Variants in HK3 observed in about 807,000 individuals in gnomAD.
The protein encoded by HK3 is hexokinase 3.
HK3 carries 93 observed loss-of-function variants against 91.0 expected under a neutral mutation model. The observed-to-expected ratio is 1.02, with a 90% confidence interval of 0.86 to 1.21. HK3 has a LOEUF of 1.21. HK3 is among the 50% of genes most tolerant of loss of function. The probability of loss-of-function intolerance (pLI) is 0.00; values close to 1 mark genes in which losing one functional copy is unlikely to be tolerated. For synonymous variants in HK3, 519 were observed against 516.9 expected, an observed-to-expected ratio of 1.00 and a Z score of -0.06; for missense variants, 1,235 against 1,247.4, an observed-to-expected ratio of 0.99 and a Z score of 0.15.
rs1758751320 is a variant in HK3 at position 176,890,958 on chromosome 5, G to A, written c.415-17C>T. 1 of 1,613,910 alleles carries A rather than the reference G, an allele frequency of 6.2e-7. No individual in the cohort carries two copies. The stretch of plus-strand genomic sequence containing the variant: ...GTCAAAGAGCTGCAGGAGAAGTGGG[G>A]GGGCTCAGCCTTGCCCATCTGAGCC... On this transcript the variant is annotated splice_polypyrimidine_tract_variant and intron_variant, in intron 4 of 18. Transcript: ENST00000292432.
chr5:176,881,744 G>A lies in HK3; in HGVS notation c.2341C>T (p.Arg781Cys), dbSNP rs556634863. 2.8e-5 allele frequency: 46 copies of A among 1,614,160 alleles called. 1 individual carries two copies. The highest frequency in any genetic ancestry group is 2.5e-4 in the South Asian group (23 of 91,088). ...GVLFRGQQIQ[R>C]LQTRDIFKTK... ...TTGAAGATGTCCCTGGTCTGAAGGC[G>A]CTGGATCTGCTGGCCCCGGAAGAGA... is the stretch of plus-strand genomic sequence containing the variant. The change falls in exon 17 of 19, where the codon CGC (arginine) becomes TGC (cysteine). Residue 781 changes from arginine (R) to cysteine (C), a missense_variant. Around this residue, in one of 3 missense-constraint regions of HK3, gnomAD observed 513 missense variants for 477.4 expected, o/e 1.07. Transcript: ENST00000292432.
In HK3 at chr5:176,881,353, T is replaced by C. The variant is rs765514203; in HGVS notation, c.2576A>G (p.Glu859Gly). 3.1e-6 allele frequency: 5 copies of C among 1,613,998 alleles called. No individual in the cohort carries two copies. The highest frequency in any genetic ancestry group is 3.4e-6 in the Non-Finnish European group (4 of 1,180,012). Residue 859 changes from glutamate to glycine, a missense_variant, in exon 18 of 19, where the codon GAG (glutamate) becomes GGG (glycine). Transcript: ENST00000292432. The part of the protein sequence containing the change: ...EKIRENRGLE[E>G]LAVSVGVDGT... ...ATCCACCCCCACAGACACTGCCAGC[T>C]CTTCCAGGCCCCGGTTCTCCCGGAT...
chr5:176,898,959 G>A (rs1188848557), intron 1 of HK3, among the ~76,000 whole-genome samples: 2 of 152,036 alleles, frequency 1.3e-5, no homozygotes, highest in African/African-American at 2.4e-5. Context: ...ATGGCAAAAC[G>A]CCATCGCTAG....
Position 176,888,500 on chromosome 5 carries a change from G to C in HK3, c.1136C>G (p.Ser379Trp), listed in dbSNP as rs147166897. Residue 379 changes from serine to tryptophan, a missense_variant, in exon 10 of 19, where the codon TCG (serine) becomes TGG (tryptophan). This residue lies in a region of HK3 where 717 missense variants were observed against 751.6 expected (regional missense o/e 0.95). Coordinates refer to ENST00000292432, the MANE Select transcript of HK3 (RefSeq NM_002115.3). Reference protein sequence around the residue: ...LQDLGLSPGASDVELVQHVCA... With the variant: ...LQDLGLSPGAWDVELVQHVCA... The stretch of plus-strand genomic sequence containing the variant: ...GACGTGCTGCACAAGCTCAACATCC[G>C]AAGCCCCAGGGCTCAGGCCCAAGTC... 1 of 1,554,202 alleles carries C rather than the reference G, an allele frequency of 6.4e-7. No individual in the cohort carries two copies. The highest frequency in any genetic ancestry group is 2.0e-5 in the Admixed American group (1 of 51,220).
chr5:176,882,004 A>G lies in HK3; in HGVS notation c.2177T>C (p.Met726Thr), dbSNP rs1483186595. 2.5e-6 allele frequency: 4 copies of G among 1,613,394 alleles called. No individual in the cohort carries two copies. In the South Asian group the frequency reaches 3.3e-5, roughly 13 times the overall value. ...GAFGDDGSLA[M>T]LSTRFDASVD... ...ACTTGCATCAAAGCGGGTGCTGAGC[A>G]TGGCCAGAGAGCCATCGTCCCCAAA... is the stretch of plus-strand genomic sequence containing the variant. Residue 726 changes from methionine (M) to threonine (T), a missense_variant, in exon 16 of 19, where the codon ATG becomes ACG. Transcript: ENST00000292432.
At chr5:176,881,874 G>A (rs771793327) in intron 16 of HK3, 27 bp from the exon 17 acceptor site, 29 of 1,607,018 alleles carry the variant, frequency 1.8e-5, no homozygotes, top group Non-Finnish European at 2.2e-5. Flanking sequence ...GCACTCGGCA[G>A]AAGGCCCCAC....
chr5:176,887,471 C>A lies in HK3; in HGVS notation c.1580G>T (p.Arg527Leu). The A allele has an allele frequency of 6.2e-7, 1 of 1,612,504 alleles. No homozygotes were observed. The highest frequency in any genetic ancestry group is 8.5e-7 in the Non-Finnish European group (1 of 1,178,872). ...SSLRMLPTFVRATPDGSERGD... is the reference protein window; with the variant it reads ...SSLRMLPTFVLATPDGSERGD... The stretch of plus-strand genomic sequence containing the variant: ...CTTACCGCTGCCGTCAGGGGTGGCC[C>A]GGACGAAAGTGGGCAGCATGCGAAG... The change falls in exon 11 of 19, where the codon CGG becomes CTG. Residue 527 changes from arginine (R) to leucine (L), a missense_variant. This residue lies in a region of HK3 where 717 missense variants were observed against 751.6 expected (regional missense o/e 0.95). Coordinates refer to ENST00000292432, the MANE Select transcript of HK3 (RefSeq NM_002115.3). This position sits in a 1 kb window ranked among gnomAD's most constrained non-coding sequence, Gnocchi z 4.9.
intron 13 of HK3, 27 bp downstream of exon 13, chr5:176,886,975 G>A (rs997559186): frequency 6.2e-7 from 1 of 1,613,044 alleles, no homozygotes; most frequent in African/African-American, 1.3e-5. Flanking sequence ...AGGCCCTTGG[G>A]AATCACTTCT....
rs780729297 is a variant in HK3 at position 176,891,018 on chromosome 5, C to T, written c.414+19G>A. ...CAGCCAGGCCCCCAGACCCCAGAGG[C>T]TGGGCAGTGAGTGCTTACCTGCTGG... On this transcript the variant is annotated intron_variant, in intron 4 of 18. Coordinates refer to ENST00000292432, the MANE Select transcript of HK3 (RefSeq NM_002115.3). 1.2e-6 allele frequency: 2 copies of T among 1,613,810 alleles called. No individual in the cohort carries two copies. The highest frequency in any genetic ancestry group is 2.7e-5 in the African/African-American group (2 of 74,936).
At chr5:176,893,264 A>G (rs1758823403) in intron 2 of HK3, among the ~76,000 whole-genome samples, 1 of 152,190 alleles carries the variant, frequency 6.6e-6, no homozygotes, top group Non-Finnish European at 1.5e-5. Context: ...TTCTATGTCA[A>G]TGTGAAGCTT....
At chr5:176,888,898 T>C in intron 8 of HK3, 34 bp from the exon 9 acceptor site, 2 of 1,603,182 alleles carry the variant, frequency 1.2e-6, no homozygotes, top group Non-Finnish European at 1.7e-6. Flanking sequence ...AGGAAGCCTT[T>C]TCTAAGCCCT....
In HK3 at chr5:176,887,292, C is replaced by T. The variant is rs150676692; in HGVS notation, c.1646G>A (p.Arg549His). 76 of 1,613,928 alleles carry T rather than the reference C, an allele frequency of 4.7e-5. No individual in the cohort carries two copies. The Middle Eastern group carries it at 4.9e-4, about 10-fold the overall frequency. Residue 549 changes from arginine (R) to histidine (H), a missense_variant, in exon 12 of 19, where the codon CGT (arginine) becomes CAT (histidine). Physicochemically the swap from Arg to His is conservative, Grantham distance 29. Transcript: ENST00000292432. The surrounding 1 kb of genome is among the most constrained non-coding windows in gnomAD (Gnocchi z 4.9). Reference protein sequence around the residue: ...LALDLGGTNFRVLLVRVTTGV... With the variant: ...LALDLGGTNFHVLLVRVTTGV... Reference sequence around the variant, plus strand: ...TGTGGTCACACGTACCAGGAGGACACGGAAGTTCGTGCCCCCGAGGTCCAG... The same window carrying T: ...TGTGGTCACACGTACCAGGAGGACATGGAAGTTCGTGCCCCCGAGGTCCAG...
At chr5:176,896,390 A>G (rs994393919) in intron 1 of HK3, among the ~76,000 whole-genome samples, 1 of 152,226 alleles carries the variant, frequency 6.6e-6, no homozygotes, top group Non-Finnish European at 1.5e-5. Context: ...AGAGCACTGG[A>G]AAGGCTGATT....
At position 176,881,404 on chromosome 5, in the gene HK3, G is replaced by T. The variant is rs145283059; in HGVS notation, c.2525C>A (p.Ala842Glu). 6.2e-7 allele frequency: 1 copy of T among 1,613,120 alleles called. No individual in the cohort carries two copies. Among genetic ancestry groups the T allele is most frequent in the South Asian group, 1.1e-5 (1 of 91,086 alleles). ...VSQRAAQLCG[A>E]GVAAVVEKIR... ...CTTCTCCACCACGGCAGCTACACCC[G>T]CCCCACAGAGCTGGGCAGCCCTCTG... Residue 842 changes from alanine to glutamate, a missense_variant, in exon 18 of 19, where the codon GCG becomes GAG. By Grantham distance (107) the Ala-to-Glu change is moderately radical. Transcript: ENST00000292432.
At position 176,881,683 on chromosome 5, in the gene HK3, C is replaced by T. The variant is rs1419438769; in HGVS notation, c.2393+9G>A. ...CTGAAGTGGGGGAGGCAATGTAGGC[C>T]TCAGGCACCTTTCGATCTCAGAGAG... On this transcript the variant is annotated intron_variant, in intron 17 of 18. Transcript: ENST00000292432. 1.9e-6 allele frequency: 3 copies of T among 1,613,862 alleles called. No homozygotes were observed. Among genetic ancestry groups the T allele is most frequent in the African/African-American group, 2.7e-5 (2 of 74,934 alleles).
intron 15 of HK3, among the ~76,000 whole-genome samples, chr5:176,882,840 C>A (rs1320874879): frequency 6.6e-6 from 1 of 152,196 alleles, no homozygotes; most frequent in Admixed American, 6.5e-5. Flanking sequence ...CTGGCCCCAC[C>A]TGGAGCTCCT....
rs781244732 is a variant in HK3 at position 176,881,856 on chromosome 5, A to G, written c.2238-9T>C. ...TGATCATCTTTTCAAACCTGCATGAACATGTGTGCACTCGGCAGAAGGCCC... is the reference window on the plus strand; with the variant it reads ...TGATCATCTTTTCAAACCTGCATGAGCATGTGTGCACTCGGCAGAAGGCCC... On this transcript the variant is annotated splice_polypyrimidine_tract_variant and intron_variant, in intron 16 of 18. Transcript: ENST00000292432. 6 of 1,607,670 alleles carry G rather than the reference A, an allele frequency of 3.7e-6. No individual in the cohort carries two copies. The highest frequency in any genetic ancestry group is 3.4e-6 in the Non-Finnish European group (4 of 1,177,412).
chr5:176,892,368 G>A (rs908107815), intron 2 of HK3, among the ~76,000 whole-genome samples: 3 of 152,146 alleles, frequency 2.0e-5, no homozygotes, highest in Non-Finnish European at 4.4e-5. Context: ...GAAGATCCAG[G>A]GGAAGAGCAA....
chr5:176,890,592 G>A (rs201212132), intron 6 of HK3, 43 bp downstream of exon 6: 2 of 1,562,968 alleles, frequency 1.3e-6, no homozygotes, highest in African/African-American at 1.4e-5. Context: ...GCCAGGCCCA[G>A]GCCAACATGG....
Sources: allele counts gnomAD v4.1 joint callset (sites outside exome capture counted in the v4.1 genomes callset), GRCh38; gene constraint gnomAD v4.1.1; regional missense constraint gnomAD v4.1.1; non-coding constraint Gnocchi (gnomAD v3.1); transcripts MANE v1.5; gene names NCBI Gene and HGNC (gene_info 2026-07-23, HGNC 2026-07-21).